Variants in PTPRD observed in about 807,000 individuals in gnomAD.
PTPRD encodes protein tyrosine phosphatase receptor type D.
Under a neutral mutation model 214.5 loss-of-function variants are expected in PTPRD, and 34 were observed. The ratio of observed to expected loss-of-function variants is 0.16; its 90% CI spans 0.12 to 0.21. The LOEUF (loss-of-function observed/expected upper bound fraction) is 0.21. Ranked by LOEUF, PTPRD falls within the 10% of genes least tolerant of loss-of-function variation. PTPRD has a pLI of 1.00. For missense variants in PTPRD, 2,545 were observed against 2,398.7 expected, an observed-to-expected ratio of 1.06 and a Z score of -1.27; for synonymous variants, 1,128 against 845.7, an observed-to-expected ratio of 1.33 and a Z score of -5.79.
intron 35 of PTPRD, among the ~76,000 whole-genome samples, chr9:8,409,009 A>C (rs1039147881): frequency 6.6e-6 from 1 of 152,230 alleles, no homozygotes; most frequent in African/African-American, 2.4e-5. Context: ...CTAGAAGTTT[A>C]TCTCAAACTA....
chr9:8,728,260 G>C (rs1362756458), intron 12 of PTPRD, among the ~76,000 whole-genome samples: 2 of 152,110 alleles, frequency 1.3e-5, no homozygotes, highest in Admixed American at 1.3e-4. Flanking sequence ...CGAAAAAAAA[G>C]AACATTTTCA....
chr9:10,165,237 A>G (rs1481128650), intron 3 of PTPRD, among the ~76,000 whole-genome samples: 1 of 151,718 alleles, frequency 6.6e-6, no homozygotes, highest in Non-Finnish European at 1.5e-5. Flanking sequence ...AGTAACATCA[A>G]GTTAATCTTT....
At chr9:8,600,702 G>A (rs180670645) in intron 14 of PTPRD, among the ~76,000 whole-genome samples, 2 of 151,668 alleles carry the variant, frequency 1.3e-5, no homozygotes, top group Non-Finnish European at 2.9e-5. Context: ...CCCAGTCCAG[G>A]CAGAATCCAG....
chr9:10,564,742 A>G (rs549085512), intron 2 of PTPRD, among the ~76,000 whole-genome samples: 11 of 152,276 alleles, frequency 7.2e-5, no homozygotes, highest in African/African-American at 2.6e-4. Context: ...TCTTATGACT[A>G]ATTTACTGTA....
intron 2 of PTPRD, among the ~76,000 whole-genome samples, chr9:10,461,421 C>T (rs78587950): frequency 1.9e-3 from 281 of 151,582 alleles, no homozygotes; most frequent in African/African-American, 6.5e-3. Flanking sequence ...TCACAATAGT[C>T]GAGCTATGAA....
At chr9:8,688,561 T>C (rs1478186271) in intron 12 of PTPRD, among the ~76,000 whole-genome samples, 8 of 137,752 alleles carry the variant, frequency 5.8e-5, no homozygotes, top group South Asian at 4.6e-4. Flanking sequence ...CGAGACTCTG[T>C]CTCAAAAAAA....
intron 4 of PTPRD, among the ~76,000 whole-genome samples, chr9:9,959,619 A>C (rs891424400): frequency 6.6e-6 from 1 of 152,208 alleles, no homozygotes; most frequent in African/African-American, 2.4e-5. Context: ...TGCTGACCTA[A>C]ATAACTTTGA....
Position 9,362,615 on chromosome 9 carries a change from T to A in PTPRD, c.-203+34834A>T, listed in dbSNP as rs150882738. Reference sequence around the variant, plus strand: ...GAATAAAAAAGGGCATACTCTCTGTTCTTGAAATTCACTTACCCCTAAGAA... The same window carrying A: ...GAATAAAAAAGGGCATACTCTCTGTACTTGAAATTCACTTACCCCTAAGAA... On this transcript the variant is annotated intron_variant, in intron 9 of 45. Coordinates refer to ENST00000381196, the MANE Select transcript of PTPRD (RefSeq NM_002839.4). Among the ~76,000 whole-genome samples, 169 of 151,288 alleles carry A rather than the reference T, an allele frequency of 1.1e-3. 1 individual carries two copies. Among genetic ancestry groups the A allele is most frequent in the Non-Finnish European group, 1.9e-3 (126 of 67,430 alleles).
intron 9 of PTPRD, among the ~76,000 whole-genome samples, chr9:9,348,358 C>T (rs766050557): frequency 6.6e-6 from 1 of 152,078 alleles, no homozygotes; most frequent in Admixed American, 6.6e-5. Context: ...TTTCCTCCAA[C>T]ATTTATTTTC....
At chr9:10,379,317 T>C (rs1377559984) in intron 2 of PTPRD, among the ~76,000 whole-genome samples, 1 of 151,774 alleles carries the variant, frequency 6.6e-6, no homozygotes, top group African/African-American at 2.4e-5. Flanking sequence ...CAAACAAGGA[T>C]AATTCTACTT....
intron 35 of PTPRD, among the ~76,000 whole-genome samples, chr9:8,406,944 T>C (rs2093042450): frequency 6.6e-6 from 1 of 152,224 alleles, no homozygotes; most frequent in South Asian, 2.1e-4. Flanking sequence ...CTCCCTCTGA[T>C]ATCCTTGTTT....
intron 7 of PTPRD, among the ~76,000 whole-genome samples, chr9:9,625,411 C>T (rs2095390155): frequency 6.6e-6 from 1 of 152,178 alleles, no homozygotes; most frequent in African/African-American, 2.4e-5. Flanking sequence ...TACGTCTTCG[C>T]ACTGTATTAA....
chr9:10,497,395 C>T (rs2042382398), intron 2 of PTPRD, among the ~76,000 whole-genome samples: 1 of 151,862 alleles, frequency 6.6e-6, no homozygotes, highest in Admixed American at 6.6e-5. Context: ...CAAGGGCATG[C>T]CTGTCTCTTC....
chr9:9,947,570 A>G (rs2092916023), intron 4 of PTPRD, among the ~76,000 whole-genome samples: 1 of 48,398 alleles, frequency 2.1e-5, no homozygotes, highest in Non-Finnish European at 3.3e-5. Flanking sequence ...TATTTTATAT[A>G]TATATTATAT....
chr9:9,970,279 T>C (rs1271158090), intron 4 of PTPRD, among the ~76,000 whole-genome samples: 1 of 151,576 alleles, frequency 6.6e-6, no homozygotes, highest in African/African-American at 2.4e-5. Flanking sequence ...TGAAACCCCA[T>C]CTCTACTAAA....
chr9:9,947,450 TA>T (rs1414023494), intron 4 of PTPRD, among the ~76,000 whole-genome samples: 1 of 27,430 alleles, frequency 3.6e-5, no homozygotes, highest in African/African-American at 3.9e-4. Context: ...ATATTTTATA[TA>T]TTTTTATATA....
intron 3 of PTPRD, among the ~76,000 whole-genome samples, chr9:10,121,582 C>G (rs1400378468): frequency 4.6e-5 from 7 of 152,102 alleles, no homozygotes; most frequent in Admixed American, 1.3e-4. Context: ...TTGATGGCAT[C>G]GTTAAGAGTT....
chr9:8,589,075 G>A (rs74752884), intron 14 of PTPRD, among the ~76,000 whole-genome samples: 3,379 of 152,238 alleles, frequency 0.022, 147 homozygotes, highest in East Asian at 0.11. Context: ...AGAAAATTTT[G>A]AGTGATATAT....
intron 12 of PTPRD, among the ~76,000 whole-genome samples, chr9:8,674,327 A>G (rs1223223645): frequency 6.6e-6 from 1 of 151,906 alleles, no homozygotes; most frequent in East Asian, 2.0e-4. Context: ...GCGTGGTGGC[A>G]CACGCCTGTA....
Sources: allele counts gnomAD v4.1 joint callset (sites outside exome capture counted in the v4.1 genomes callset), GRCh38; gene constraint gnomAD v4.1.1; transcripts MANE v1.5; gene names NCBI Gene and HGNC (gene_info 2026-07-23, HGNC 2026-07-21).